SCAPER: variants seen among roughly 807,000 people sequenced by gnomAD.
The protein encoded by SCAPER is S-phase cyclin A associated protein in the ER.
Under a neutral mutation model 182.2 loss-of-function variants are expected in SCAPER, and 98 were observed. The observed-to-expected ratio is 0.54, with a 90% confidence interval of 0.46 to 0.64. The LOEUF (loss-of-function observed/expected upper bound fraction) is 0.64, where lower values mean the gene tolerates loss of function less well. SCAPER is among the 30% of genes least tolerant of loss of function. SCAPER has a pLI of 0.00. For synonymous variants in SCAPER, 605 were observed against 564.6 expected, an observed-to-expected ratio of 1.07 and a Z score of -1.01; for missense variants, 1,432 against 1,690.0, an observed-to-expected ratio of 0.85 and a Z score of 2.68.
At chr15:76,687,602 C>T (rs955045547) in intron 20 of SCAPER, among the ~76,000 whole-genome samples, 2 of 152,106 alleles carry the variant, frequency 1.3e-5, no homozygotes, top group East Asian at 3.9e-4. Flanking sequence ...GCACCCCATC[C>T]CCAACAGGCC....
chr15:76,824,176 T>C (rs1198660891), intron 5 of SCAPER, among the ~76,000 whole-genome samples: 1 of 152,226 alleles, frequency 6.6e-6, no homozygotes, highest in Non-Finnish European at 1.5e-5. Context: ...ATGAAGGCCA[T>C]TTTGTCAAGC....
rs1412927514 is a variant in SCAPER at position 76,810,574 on chromosome 15, CACAA to C, written c.394-5945_394-5942del. ...AACCACACACACACACACACACACA[CACAA>C]AAGAAGAGAGCAAGTGAGAAAAACA... On this transcript the variant is annotated intron_variant, in intron 5 of 31. Transcript: ENST00000563290. Among the ~76,000 whole-genome samples the C allele has an allele frequency of 2.6e-4, 38 of 145,452 alleles. 1 individual carries two copies. In the South Asian group the frequency reaches 8.2e-3, roughly 31 times the overall value.
At chr15:76,640,585 T>G (rs1381184489) in intron 21 of SCAPER, among the ~76,000 whole-genome samples, 1 of 152,224 alleles carries the variant, frequency 6.6e-6, no homozygotes, top group East Asian at 1.9e-4. Flanking sequence ...TCATTAATTT[T>G]ATTCTGTGTA....
intron 21 of SCAPER, among the ~76,000 whole-genome samples, chr15:76,630,000 A>G (rs374054194): frequency 1.3e-5 from 2 of 152,146 alleles, no homozygotes; most frequent in East Asian, 1.9e-4. Flanking sequence ...GAGGGTGTTT[A>G]TGTCCAGGAA....
At chr15:76,430,835 A>G (rs141675802) in intron 26 of SCAPER, among the ~76,000 whole-genome samples, 3,132 of 152,098 alleles carry the variant, frequency 0.021, 50 homozygotes, top group East Asian at 0.043. Context: ...AGGACATGAG[A>G]TTTGGGAGGG....
intron 2 of SCAPER, among the ~76,000 whole-genome samples, chr15:76,874,386 G>C (rs1003676689): frequency 1.3e-5 from 2 of 151,922 alleles, no homozygotes; most frequent in African/African-American, 4.8e-5. Context: ...TCTATTTCAA[G>C]AAGTTAGTAA....
chr15:76,512,015 T>C (rs749858337), intron 23 of SCAPER, among the ~76,000 whole-genome samples: 3 of 151,700 alleles, frequency 2.0e-5, no homozygotes, highest in Non-Finnish European at 4.4e-5. Flanking sequence ...CCCGGGTAGC[T>C]GGGATTACAG....
intron 16 of SCAPER, among the ~76,000 whole-genome samples, chr15:76,730,557 A>G (rs2060859815): frequency 6.6e-6 from 1 of 152,148 alleles, no homozygotes; most frequent in Admixed American, 6.5e-5. Flanking sequence ...TCTGGCACAG[A>G]AAATTTTCTC....
At chr15:76,624,754 T>C (rs1318078419) in intron 21 of SCAPER, among the ~76,000 whole-genome samples, 7 of 152,160 alleles carry the variant, frequency 4.6e-5, no homozygotes, top group Non-Finnish European at 1.0e-4. Context: ...GTTTTTAGGC[T>C]CCACAGTGAC....
At chr15:76,611,493 A>C (rs906219160) in intron 22 of SCAPER, among the ~76,000 whole-genome samples, 3 of 152,208 alleles carry the variant, frequency 2.0e-5, no homozygotes, top group African/African-American at 7.2e-5. Context: ...GAAGTCTAAC[A>C]GATGTACAAA....
chr15:76,730,169 T>A (rs1003163485), intron 16 of SCAPER, among the ~76,000 whole-genome samples: 23 of 152,128 alleles, frequency 1.5e-4, no homozygotes, highest in Admixed American at 6.5e-4. Context: ...AAAGAGAGAT[T>A]TGAACATTTC....
At chr15:76,791,471 A>G (rs2065003070) in intron 8 of SCAPER, among the ~76,000 whole-genome samples, 1 of 152,178 alleles carries the variant, frequency 6.6e-6, no homozygotes, top group African/African-American at 2.4e-5. Flanking sequence ...TTTAGGGTGC[A>G]GGGGAAGTGA....
chr15:76,900,762 C>A (rs941120133), intron 1 of SCAPER, among the ~76,000 whole-genome samples: 7 of 152,118 alleles, frequency 4.6e-5, no homozygotes, highest in Admixed American at 3.9e-4. Context: ...AATGGCAGAC[C>A]CAAAGCAGTG....
intron 23 of SCAPER, among the ~76,000 whole-genome samples, chr15:76,529,822 A>G (rs1225864418): frequency 1.3e-5 from 2 of 152,228 alleles, no homozygotes; most frequent in Non-Finnish European, 2.9e-5. Context: ...GGGCAAATCT[A>G]GAGCTTTCTA....
intron 27 of SCAPER, 79 bp downstream of exon 27, chr15:76,404,445 T>A (rs1006641924): frequency 1.6e-5 from 22 of 1,399,062 alleles, no homozygotes; most frequent in African/African-American, 5.7e-5. Context: ...TGAATTCCTA[T>A]GAAATGACCC....
intron 1 of SCAPER, among the ~76,000 whole-genome samples, chr15:76,892,750 G>GAA (rs1391931424): frequency 1.3e-5 from 2 of 152,182 alleles, no homozygotes; most frequent in Admixed American, 6.5e-5. Flanking sequence ...AACCATTGTG[G>GAA]AAAACAGTGT....
At chr15:76,359,404 G>GCCCCATCACTGCCCCAT (rs2141710266) in intron 29 of SCAPER, among the ~76,000 whole-genome samples, 1 of 152,366 alleles carries the variant, frequency 6.6e-6, no homozygotes, top group East Asian at 1.9e-4. Flanking sequence ...CCAGGATCTT[G>GCCCCATCACTGCCCCAT]CAGTGGCAGA....
At chr15:76,473,799 T>TTTA (rs746028176) in intron 24 of SCAPER, among the ~76,000 whole-genome samples, 9 of 151,972 alleles carry the variant, frequency 5.9e-5, no homozygotes, top group African/African-American at 9.7e-5. Context: ...TTTATTTTAC[T>TTTA]TTATTATTAT....
chr15:76,569,139 G>C (rs1481434457), intron 23 of SCAPER, among the ~76,000 whole-genome samples: 1 of 151,790 alleles, frequency 6.6e-6, no homozygotes, highest in East Asian at 1.9e-4. Flanking sequence ...AATTTCAAAG[G>C]GAAAATTTTC....
Sources: allele counts gnomAD v4.1 joint callset (sites outside exome capture counted in the v4.1 genomes callset), GRCh38; gene constraint gnomAD v4.1.1; transcripts MANE v1.5; gene names NCBI Gene and HGNC (gene_info 2026-07-23, HGNC 2026-07-21).